The following TEC variants were observed in gnomAD, a reference collection of about 807,000 sequenced individuals.
TEC encodes the protein tec protein tyrosine kinase.
Under a neutral mutation model 93.0 loss-of-function variants are expected in TEC, and 72 were observed. The observed-to-expected ratio is 0.77, with a 90% CI of 0.64 to 0.94. The LOEUF (loss-of-function observed/expected upper bound fraction) is 0.94, where lower values mean the gene tolerates loss of function less well. Ranked by LOEUF, TEC falls within the 40% of genes least tolerant of loss-of-function variation. TEC has a pLI of 0.00. For synonymous variants in TEC, 249 were observed against 247.7 expected, an observed-to-expected ratio of 1.01 and a Z score of -0.05; for missense variants, 630 against 757.9, an observed-to-expected ratio of 0.83 and a Z score of 1.98.
At position 48,137,214 on chromosome 4, in the gene TEC, T is replaced by G. The variant is rs1719461398; in HGVS notation, c.*202A>C. On this transcript the variant is annotated 3_prime_UTR_variant, in exon 18 of 18. Transcript: ENST00000381501. ...AGAAATGAGTGATTTTAATCACCAT[T>G]TCTAAGGCAACATTTCCACACTCTG... is the stretch of plus-strand genomic sequence containing the variant. The G allele has an allele frequency of 5.3e-6, 3 of 562,950 alleles. No homozygotes were observed. In the East Asian group the frequency reaches 9.1e-5, roughly 17 times the overall value. 34.9% of individuals were successfully genotyped at this position (562,950 alleles called of 1,614,324 possible).
chr4:48,264,720 T>C (rs1199606583), intron 1 of TEC, among the ~76,000 whole-genome samples: 2 of 150,630 alleles, frequency 1.3e-5, no homozygotes, highest in Admixed American at 6.7e-5. Context: ...CACTACAACC[T>C]CAGCCTCTCA....
At chr4:48,215,346 A>C (rs2109618088) in intron 2 of TEC, among the ~76,000 whole-genome samples, 1 of 151,926 alleles carries the variant, frequency 6.6e-6, no homozygotes, top group Admixed American at 6.5e-5. Flanking sequence ...ATCTCTACTA[A>C]AAATATAAAA....
chr4:48,253,572 C>CTTTT (rs34702593), intron 1 of TEC, among the ~76,000 whole-genome samples: 3 of 131,894 alleles, frequency 2.3e-5, no homozygotes, highest in African/African-American at 5.7e-5. Context: ...ATGTCCAATT[C>CTTTT]TTTTTTTTTT....
intron 8 of TEC, among the ~76,000 whole-genome samples, chr4:48,157,220 A>T (rs896114163): frequency 1.3e-5 from 2 of 152,224 alleles, no homozygotes; most frequent in African/African-American, 4.8e-5. Flanking sequence ...TCTGTAATTC[A>T]AACTAAATCT....
chr4:48,249,512 T>A (rs1406616292), intron 1 of TEC, among the ~76,000 whole-genome samples: 1 of 152,220 alleles, frequency 6.6e-6, no homozygotes, highest in African/African-American at 2.4e-5. Context: ...GTTTGTAAAA[T>A]TTTTTAAATG....
chr4:48,266,317 A>G (rs907717831), intron 1 of TEC, among the ~76,000 whole-genome samples: 8 of 152,184 alleles, frequency 5.3e-5, no homozygotes, highest in Non-Finnish European at 1.2e-4. Context: ...GAATCTCCAG[A>G]ATGATGACAA....
intron 2 of TEC, among the ~76,000 whole-genome samples, chr4:48,222,845 C>A (rs1287383490): frequency 6.6e-6 from 1 of 152,048 alleles, no homozygotes; most frequent in Admixed American, 6.6e-5. Context: ...AACCTCTTGG[C>A]CTCCACAGTT....
At chr4:48,169,513 T>C (rs898883771) in intron 5 of TEC, among the ~76,000 whole-genome samples, 1 of 152,036 alleles carries the variant, frequency 6.6e-6, no homozygotes, top group Non-Finnish European at 1.5e-5. Context: ...ACTGAGAAGG[T>C]CATCTGATCT....
intron 2 of TEC, among the ~76,000 whole-genome samples, chr4:48,187,205 G>A (rs1721912328): frequency 6.6e-6 from 1 of 152,166 alleles, no homozygotes; most frequent in African/African-American, 2.4e-5. Context: ...TGCAAGATGT[G>A]CTTTGTTAAA....
chr4:48,150,890 G>A lies in TEC; in HGVS notation c.845C>T (p.Thr282Ile), dbSNP rs750310314. Residue 282 changes from threonine (T) to isoleucine (I), a missense_variant, in exon 10 of 18, where the codon ACA (threonine) becomes ATA (isoleucine). This residue lies in a region of TEC where 335 missense variants were observed against 351.5 expected (regional missense o/e 0.95). Coordinates refer to ENST00000381501, the MANE Select transcript of TEC (RefSeq NM_003215.3). The stretch of plus-strand genomic sequence containing the variant: ...TCCAAACTTGGTATAAAGGGAGACT[G>A]TGTACAAGCCTGGTTGACTGGAATC... ...VRDSSQPGLY[T>I]VSLYTKFGGE... is the part of the protein sequence containing the mutation. 4 of 1,579,232 alleles carry A rather than the reference G, an allele frequency of 2.5e-6. No homozygotes were observed. The highest frequency in any genetic ancestry group is 1.7e-4 in the Middle Eastern group (1 of 5,908).
intron 1 of TEC, among the ~76,000 whole-genome samples, chr4:48,242,832 T>C (rs1247691365): frequency 6.6e-6 from 1 of 152,170 alleles, no homozygotes; most frequent in African/African-American, 2.4e-5. Context: ...TCTATTAATA[T>C]ATAAAGTGAG....
chr4:48,139,168 T>C, intron 15 of TEC, 146 bp from the exon 16 acceptor site: 1 of 662,150 alleles, frequency 1.5e-6, no homozygotes, highest in Non-Finnish European at 2.6e-6. Context: ...TTCACCTCAG[T>C]GGCCACACCT....
chr4:48,166,657 A>G (rs1007748870), intron 7 of TEC, among the ~76,000 whole-genome samples: 3 of 152,058 alleles, frequency 2.0e-5, no homozygotes, highest in African/African-American at 7.2e-5. Context: ...AGATTCTATT[A>G]TACTATTATA....
intron 1 of TEC, among the ~76,000 whole-genome samples, chr4:48,236,323 C>G (rs1577663070): frequency 6.6e-6 from 1 of 151,980 alleles, no homozygotes; most frequent in East Asian, 1.9e-4. Flanking sequence ...GCTCTGTCGC[C>G]CAGACTGGAG....
intron 8 of TEC, among the ~76,000 whole-genome samples, chr4:48,157,958 T>TA (rs200836548): frequency 6.6e-6 from 1 of 152,234 alleles, no homozygotes; most frequent in East Asian, 1.9e-4. Context: ...TATAAGAACA[T>TA]AGACAATTTT....
intron 1 of TEC, among the ~76,000 whole-genome samples, chr4:48,235,969 A>G (rs1723772043): frequency 6.6e-6 from 1 of 152,174 alleles, no homozygotes. Context: ...TCACTACACT[A>G]TACAACTTCT....
chr4:48,166,697 AC>A lies in TEC; in HGVS notation c.671+1080del, dbSNP rs201355735. Among the ~76,000 whole-genome samples the A allele has an allele frequency of 2.8e-3, 427 of 152,154 alleles. 4 individuals carry two copies. Among genetic ancestry groups the A allele is most frequent in the African/African-American group, 9.9e-3 (412 of 41,500 alleles). ...TTTTGGATGCTTGAAAATTTCTACA[AC>A]AAAAAAAAATTAAAAATAGAAATCA... On this transcript the variant is annotated intron_variant, in intron 7 of 17. Coordinates refer to ENST00000381501, the MANE Select transcript of TEC (RefSeq NM_003215.3).
intron 2 of TEC, among the ~76,000 whole-genome samples, chr4:48,206,777 C>CAAA (rs34761710): frequency 1.4e-3 from 123 of 87,084 alleles, no homozygotes; most frequent in Middle Eastern, 6.7e-3. Flanking sequence ...CTCGTTGCTA[C>CAAA]AAAAAAAAAA....
chr4:48,214,063 A>T (rs1722994124), intron 2 of TEC, among the ~76,000 whole-genome samples: 1 of 152,216 alleles, frequency 6.6e-6, no homozygotes, highest in South Asian at 2.1e-4. Context: ...CTTTTTGCTT[A>T]CTTTAAATAT....
Sources: allele counts gnomAD v4.1 joint callset (sites outside exome capture counted in the v4.1 genomes callset), GRCh38; gene constraint gnomAD v4.1.1; regional missense constraint gnomAD v4.1.1; transcripts MANE v1.5; gene names NCBI Gene and HGNC (gene_info 2026-07-23, HGNC 2026-07-21).